Variants in KLHL22 observed in about 807,000 individuals in gnomAD.
KLHL22 encodes kelch-like protein 22.
A neutral mutation model predicts 60.7 loss-of-function variants in KLHL22; 18 were observed. The ratio of observed to expected loss-of-function variants is 0.30; its 90% CI spans 0.20 to 0.44. The LOEUF is 0.44. Ranked by LOEUF, KLHL22 falls within the 20% of genes least tolerant of loss-of-function variation. The pLI, the probability that KLHL22 is intolerant of heterozygous loss-of-function variation, is 1.00. For synonymous variants in KLHL22, 355 were observed against 354.5 expected, an observed-to-expected ratio of 1.00 and a Z score of -0.01; for missense variants, 596 against 852.3, an observed-to-expected ratio of 0.70 and a Z score of 3.74.
In KLHL22 at chr22:20,442,435, C is replaced by T; in HGVS notation, c.1543G>A (p.Ala515Thr). The change falls in exon 7 of 7, where the codon GCC becomes ACC. Residue 515 changes from alanine to threonine, a missense_variant. Transcript: ENST00000328879. The part of the protein sequence containing the change: ...AGYRRDVHQV[A>T]CYSCTSGQWS... Reference sequence around the variant, plus strand: ...TGTCCAGACGTGCAGCTGTAGCAGGCCACCTGCAAAGCCAAGGCTAGAATA... The same window carrying T: ...TGTCCAGACGTGCAGCTGTAGCAGGTCACCTGCAAAGCCAAGGCTAGAATA... 6.3e-7 allele frequency: 1 copy of T among 1,585,098 alleles called. No individual in the cohort carries two copies. Among genetic ancestry groups the T allele is most frequent in the Non-Finnish European group, 8.6e-7 (1 of 1,162,972 alleles).
chr22:20,471,772 C>T (rs1347901413), intron 2 of KLHL22, among the ~76,000 whole-genome samples: 3 of 152,156 alleles, frequency 2.0e-5, no homozygotes, highest in Non-Finnish European at 2.9e-5. Flanking sequence ...ATGTGAGCTT[C>T]GGGAGGTGAG....
At chr22:20,456,538 C>T (rs1020625678) in intron 5 of KLHL22, 2 of 152,286 alleles carry the variant, frequency 1.3e-5, no homozygotes, top group Non-Finnish European at 2.9e-5. Flanking sequence ...CAACACCCTT[C>T]CTGGAACAGA....
intron 2 of KLHL22, among the ~76,000 whole-genome samples, chr22:20,485,120 G>A (rs2053564384): frequency 1.3e-5 from 2 of 152,116 alleles, no homozygotes; most frequent in South Asian, 2.1e-4. Flanking sequence ...CAGACATTGA[G>A]TTCAGCTAAG....
rs2053751747 is a variant in KLHL22 at position 20,495,331 on chromosome 22, C to T, written c.-34+429G>A. 6.6e-6 allele frequency among the ~76,000 whole-genome samples: 1 copy of T among 152,224 alleles called. No individual in the cohort carries two copies. The highest frequency in any genetic ancestry group is 2.1e-4 in the South Asian group (1 of 4,836). On this transcript the variant is annotated intron_variant, in intron 1 of 6. Transcript: ENST00000328879. The surrounding 1 kb of genome is among the most constrained non-coding windows in gnomAD (Gnocchi z 4.6). ...TACGGCTGCAGTCCCCGGGCCCGAT[C>T]GAGGGAACTGAGGCTCGTCAGGCCG...
chr22:20,474,383 CTTTTT>C (rs945768186), intron 2 of KLHL22, among the ~76,000 whole-genome samples: 2 of 151,940 alleles, frequency 1.3e-5, no homozygotes, highest in Non-Finnish European at 2.9e-5. Flanking sequence ...GGCTGTCTCA[CTTTTT>C]TTATTTTATT....
chr22:20,466,193 GT>G (rs1234461844), intron 3 of KLHL22, among the ~76,000 whole-genome samples: 1 of 151,964 alleles, frequency 6.6e-6, no homozygotes, highest in Admixed American at 6.6e-5. Context: ...GACCAACATG[GT>G]GAAACACCGT....
At chr22:20,449,699 C>T (rs1270266237) in intron 5 of KLHL22, among the ~76,000 whole-genome samples, 5 of 152,228 alleles carry the variant, frequency 3.3e-5, no homozygotes, top group African/African-American at 9.6e-5. Flanking sequence ...AGCCACCACA[C>T]CTGGCCGTTT....
At chr22:20,493,140 A>G (rs1285842077) in intron 1 of KLHL22, 4 of 470,956 alleles carry the variant, frequency 8.5e-6, no homozygotes, top group South Asian at 3.1e-5. Context: ...CCCCAGGTGG[A>G]TCCTCACCTT....
At chr22:20,482,811 TG>T in intron 2 of KLHL22, 2 of 1,228,724 alleles carry the variant, frequency 1.6e-6, no homozygotes, top group Non-Finnish European at 1.2e-6. Context: ...CTGCTTCTGG[TG>T]GCTTAATGTC....
chr22:20,447,461 C>A (rs1193326017), intron 5 of KLHL22, among the ~76,000 whole-genome samples: 8 of 151,802 alleles, frequency 5.3e-5, no homozygotes, highest in Admixed American at 5.2e-4. Flanking sequence ...GAGAGGTGGA[C>A]GGAGCAGTGG....
Position 20,480,827 on chromosome 22 carries a change from C to CTTT in KLHL22, c.227+8155_227+8157dup, listed in dbSNP as rs760373717. 7.2e-4 allele frequency among the ~76,000 whole-genome samples: 87 copies of CTTT among 121,546 alleles called. 1 individual carries two copies. The highest frequency in any genetic ancestry group is 3.9e-3 in the East Asian group (14 of 3,556). 79.7% of individuals were successfully genotyped at this position (121,546 alleles called of 152,430 possible). On this transcript the variant is annotated intron_variant, in intron 2 of 6. Coordinates refer to ENST00000328879, the MANE Select transcript of KLHL22 (RefSeq NM_032775.4). ...CGTGGCTTAATGAGTTTACGCCAAA[C>CTTT]TTTTTTTTTTTTTTTTTTTTTTGAG...
rs956672676 is a variant in KLHL22, at chr22:20,453,366, C to T, written c.1305+4442G>A. Reference sequence around the variant, plus strand: ...GGGTTGATATCCATTTTTTTGCCGACGCATGTCTAATTGCTCCAGTACTAT... The same window carrying T: ...GGGTTGATATCCATTTTTTTGCCGATGCATGTCTAATTGCTCCAGTACTAT... On this transcript the variant is annotated intron_variant, in intron 5 of 6. Coordinates refer to ENST00000328879, the MANE Select transcript of KLHL22 (RefSeq NM_032775.4). Among the ~76,000 whole-genome samples, 7 of 151,650 alleles carry T rather than the reference C, an allele frequency of 4.6e-5. No homozygotes were observed. In the East Asian group the frequency reaches 5.8e-4, roughly 13 times the overall value.
chr22:20,478,672 G>A lies in KLHL22; in HGVS notation c.228-7157C>T, dbSNP rs2053451939. 2.0e-5 allele frequency among the ~76,000 whole-genome samples: 3 copies of A among 149,314 alleles called. No individual in the cohort carries two copies. In the South Asian group the frequency reaches 6.3e-4, roughly 31 times the overall value. On this transcript the variant is annotated intron_variant, in intron 2 of 6. Transcript: ENST00000328879. ...TGGGACTATAGGCGCCCGCCACCACGCCTAGCTAATTTTTTGTATTTTTAG... is the reference window on the plus strand; with the variant it reads ...TGGGACTATAGGCGCCCGCCACCACACCTAGCTAATTTTTTGTATTTTTAG...
intron 5 of KLHL22, among the ~76,000 whole-genome samples, chr22:20,453,178 G>T (rs1272041483): frequency 1.3e-5 from 2 of 151,486 alleles, no homozygotes; most frequent in Non-Finnish European, 2.9e-5. Context: ...GTACTGACCT[G>T]TACTACAGAG....
intron 2 of KLHL22, chr22:20,482,062 CT>C (rs2053512080): frequency 6.6e-6 from 1 of 152,106 alleles, no homozygotes; most frequent in South Asian, 2.1e-4. Context: ...TTAGGCAACC[CT>C]GCTCCAGGAA....
chr22:20,484,550 C>T (rs902502906), intron 2 of KLHL22, among the ~76,000 whole-genome samples: 2 of 152,120 alleles, frequency 1.3e-5, no homozygotes, highest in Non-Finnish European at 1.5e-5. Context: ...CGGCCTTGGG[C>T]ACCCATTGTG....
chr22:20,452,468 T>C (rs1023084835), intron 5 of KLHL22, among the ~76,000 whole-genome samples: 5 of 152,198 alleles, frequency 3.3e-5, no homozygotes, highest in African/African-American at 1.2e-4. Flanking sequence ...TGATGGAATG[T>C]GAGTGAACCT....
chr22:20,442,335 A>G lies in KLHL22; in HGVS notation c.1643T>C (p.Val548Ala). Residue 548 changes from valine to alanine, a missense_variant, in exon 7 of 7, where the codon GTG becomes GCG. Coordinates refer to ENST00000328879, the MANE Select transcript of KLHL22 (RefSeq NM_032775.4). Reference protein sequence around the residue: ...GIAVLDNRIYVLGGRSHNRGS... With the variant: ...GIAVLDNRIYALGGRSHNRGS... Reference sequence around the variant, plus strand: ...GCGGTTGTGTGAGCGGCCACCTAACACATAGATCCTGTTGTCCAGCACAGC... The same window carrying G: ...GCGGTTGTGTGAGCGGCCACCTAACGCATAGATCCTGTTGTCCAGCACAGC... The G allele has an allele frequency of 3.1e-6, 5 of 1,613,956 alleles. No individual in the cohort carries two copies. The highest frequency in any genetic ancestry group is 4.2e-6 in the Non-Finnish European group (5 of 1,180,014).
chr22:20,453,101 G>A (rs1169519558), intron 5 of KLHL22, among the ~76,000 whole-genome samples: 1 of 152,136 alleles, frequency 6.6e-6, no homozygotes, highest in Non-Finnish European at 1.5e-5. Flanking sequence ...GGTATTGGGA[G>A]TGTGGGAATG....
Sources: allele counts gnomAD v4.1 joint callset (sites outside exome capture counted in the v4.1 genomes callset), GRCh38; gene constraint gnomAD v4.1.1; non-coding constraint Gnocchi (gnomAD v3.1); transcripts MANE v1.5; gene names NCBI Gene and HGNC (gene_info 2026-07-23, HGNC 2026-07-21).